CSMD1: variants seen among roughly 807,000 people sequenced by gnomAD.
CSMD1 encodes the protein CUB and sushi domain-containing protein 1.
Under a neutral mutation model 417.5 loss-of-function variants are expected in CSMD1, and 213 were observed. The observed-to-expected ratio is 0.51, with a 90% CI of 0.46 to 0.57. CSMD1 has a LOEUF of 0.57. Ranked by LOEUF, CSMD1 falls within the 20% of genes least tolerant of loss-of-function variation. The pLI is 0.00. For missense variants in CSMD1, 6,923 were observed against 4,529.7 expected (o/e 1.53, Z -15.17); for synonymous variants, 2,862 against 1,736.8 (o/e 1.65, Z -16.11).
chr8:4,036,320 T>C (rs1797615079), intron 3 of CSMD1, among the ~76,000 whole-genome samples: 1 of 146,814 alleles, frequency 6.8e-6, no homozygotes. Flanking sequence ...ATCTACAGTA[T>C]ATTTAGTAAA....
chr8:3,971,991 T>C (rs1813123117), intron 5 of CSMD1, among the ~76,000 whole-genome samples: 2 of 151,984 alleles, frequency 1.3e-5, no homozygotes, highest in African/African-American at 4.8e-5. Context: ...ACTGCAGCCT[T>C]GACCTCCCAG....
At chr8:3,918,034 T>G (rs915328664) in intron 5 of CSMD1, among the ~76,000 whole-genome samples, 2 of 152,146 alleles carry the variant, frequency 1.3e-5, no homozygotes, top group African/African-American at 4.8e-5. Flanking sequence ...AATTTCCTTC[T>G]TTTTTAAGGG....
At chr8:3,691,238 G>T (rs1369037365) in intron 7 of CSMD1, among the ~76,000 whole-genome samples, 1 of 151,912 alleles carries the variant, frequency 6.6e-6, no homozygotes, top group Non-Finnish European at 1.5e-5. Flanking sequence ...CACGGTAACA[G>T]GCACCTGTAA....
At chr8:4,501,038 T>C (rs1295198369) in intron 2 of CSMD1, among the ~76,000 whole-genome samples, 1 of 152,024 alleles carries the variant, frequency 6.6e-6, no homozygotes, top group East Asian at 1.9e-4. Flanking sequence ...CTACCTTGGG[T>C]TATGACATCT....
At chr8:3,349,140 C>T (rs935314033) in intron 21 of CSMD1, among the ~76,000 whole-genome samples, 3 of 152,172 alleles carry the variant, frequency 2.0e-5, no homozygotes, top group Admixed American at 2.0e-4. Context: ...GGTTGGAAAC[C>T]AAGCATCAGT....
At chr8:4,916,074 A>G (rs1806049225) in intron 1 of CSMD1, among the ~76,000 whole-genome samples, 1 of 152,236 alleles carries the variant, frequency 6.6e-6, no homozygotes, top group Admixed American at 6.5e-5. Flanking sequence ...AGCACTTCAG[A>G]TTACGTTCAT....
intron 3 of CSMD1, among the ~76,000 whole-genome samples, chr8:4,261,612 G>A (rs766200967): frequency 2.6e-5 from 4 of 152,024 alleles, no homozygotes; most frequent in Non-Finnish European, 5.9e-5. Flanking sequence ...GTCTTGCTAT[G>A]TTGCGCAGGC....
intron 46 of CSMD1, among the ~76,000 whole-genome samples, chr8:3,105,130 CA>C (rs1816043355): frequency 6.6e-6 from 1 of 152,218 alleles, no homozygotes; most frequent in Non-Finnish European, 1.5e-5. Context: ...ATAAAACACT[CA>C]AAAAGATAAA....
intron 25 of CSMD1, among the ~76,000 whole-genome samples, chr8:3,307,158 C>T (rs1804933101): frequency 6.6e-6 from 1 of 152,078 alleles, no homozygotes; most frequent in South Asian, 2.1e-4. Flanking sequence ...TTGCCTAGCC[C>T]ATGAGACTTG....
At chr8:3,959,577 T>C (rs1329239989) in intron 5 of CSMD1, among the ~76,000 whole-genome samples, 1 of 152,202 alleles carries the variant, frequency 6.6e-6, no homozygotes, top group Non-Finnish European at 1.5e-5. Context: ...TTTTGTCTCT[T>C]TTAATCTAAA....
At chr8:4,038,562 G>A (rs968598146) in intron 3 of CSMD1, among the ~76,000 whole-genome samples, 2 of 152,152 alleles carry the variant, frequency 1.3e-5, no homozygotes, top group Non-Finnish European at 2.9e-5. Flanking sequence ...TGAAGATTAT[G>A]CATGTCTCTT....
chr8:3,403,504 G>C (rs1812163326), intron 15 of CSMD1, among the ~76,000 whole-genome samples: 1 of 152,082 alleles, frequency 6.6e-6, no homozygotes, highest in Non-Finnish European at 1.5e-5. Context: ...TTCTGCCGAG[G>C]GCTTCCTTTG....
chr8:3,598,130 A>C (rs920997328), intron 8 of CSMD1, among the ~76,000 whole-genome samples: 1 of 152,214 alleles, frequency 6.6e-6, no homozygotes, highest in African/African-American at 2.4e-5. Context: ...ATATTTCCTA[A>C]CGCATTTAAC....
intron 4 of CSMD1, among the ~76,000 whole-genome samples, chr8:4,007,741 T>C (rs1816238379): frequency 6.6e-6 from 1 of 152,174 alleles, no homozygotes. Context: ...GTTATATCAG[T>C]TGCAAACAAG....
intron 1 of CSMD1, among the ~76,000 whole-genome samples, chr8:4,943,599 A>G (rs1660654828): frequency 6.6e-6 from 1 of 152,216 alleles, no homozygotes; most frequent in Non-Finnish European, 1.5e-5. Flanking sequence ...ATTAAAAAAT[A>G]TATCTCATAT....
rs1804606014 is a variant in CSMD1 at position 3,860,226 on chromosome 8, C to T, written c.819-106184G>A. Among the ~76,000 whole-genome samples the T allele has an allele frequency of 2.0e-5, 3 of 152,142 alleles. 1 individual carries two copies. In the South Asian group the frequency reaches 6.2e-4, roughly 32 times the overall value. ...AGTAGGAACAGCACCAGGTCGTGTT[C>T]TCCAACTGCCTACTCTGTTTCAGTC... On this transcript the variant is annotated intron_variant, in intron 5 of 69. Coordinates refer to ENST00000635120, the MANE Select transcript of CSMD1 (RefSeq NM_033225.6).
At chr8:4,286,760 G>C (rs932984388) in intron 3 of CSMD1, among the ~76,000 whole-genome samples, 1 of 152,166 alleles carries the variant, frequency 6.6e-6, no homozygotes, top group African/African-American at 2.4e-5. Context: ...ATAAATATTA[G>C]TTTTCTTTCC....
At chr8:4,866,249 C>T (rs903995938) in intron 1 of CSMD1, among the ~76,000 whole-genome samples, 1 of 151,892 alleles carries the variant, frequency 6.6e-6, no homozygotes, top group African/African-American at 2.4e-5. Flanking sequence ...TTGAAATTCA[C>T]ATTAAATCTC....
At chr8:4,386,399 G>A (rs781051467) in intron 3 of CSMD1, among the ~76,000 whole-genome samples, 4 of 151,798 alleles carry the variant, frequency 2.6e-5, no homozygotes, top group South Asian at 2.1e-4. Context: ...TTCCATCCCC[G>A]GTTATGACTT....
Sources: allele counts gnomAD v4.1 joint callset (sites outside exome capture counted in the v4.1 genomes callset), GRCh38; gene constraint gnomAD v4.1.1; transcripts MANE v1.5; gene names NCBI Gene and HGNC (gene_info 2026-07-23, HGNC 2026-07-21).